CORO1C: variants seen among roughly 807,000 people sequenced by gnomAD.
CORO1C encodes the protein coronin 1C, also known as coronin-1C.
Under a neutral mutation model 51.2 loss-of-function variants are expected in CORO1C, and 14 were observed. That is an observed-to-expected ratio of 0.27 (90% CI 0.18 to 0.43). The LOEUF (loss-of-function observed/expected upper bound fraction) is 0.43, where lower values mean the gene tolerates loss of function less well. Among genes scored for constraint, CORO1C ranks in the 20% least tolerant of loss-of-function variants. The probability of loss-of-function intolerance (pLI) is 1.00; values close to 1 mark genes in which losing one functional copy is unlikely to be tolerated. For missense variants in CORO1C, 417 were observed against 607.8 expected, an observed-to-expected ratio of 0.69 and a Z score of 3.30; for synonymous variants, 181 against 210.5, an observed-to-expected ratio of 0.86 and a Z score of 1.21.
In CORO1C at chr12:108,647,324, C is replaced by A. The variant is rs1381021697; in HGVS notation, c.*79G>T. ...ATGGCAGTGCCTCCCTTTCCGCCCT[C>A]CCTAGGACCACACCAATAACCAGCT... On this transcript the variant is annotated 3_prime_UTR_variant, in exon 11 of 11. Coordinates refer to ENST00000261401, the MANE Select transcript of CORO1C (RefSeq NM_014325.4). 1.3e-6 allele frequency: 2 copies of A among 1,482,160 alleles called. No homozygotes were observed. The highest frequency in any genetic ancestry group is 2.8e-5 in the African/African-American group (2 of 71,160). The allele number at this position is 1,482,160 out of a possible 1,614,324, so 91.8% of individuals were successfully genotyped here. A position where few individuals can be genotyped will look rare whatever the true frequency, so the allele number is the denominator to read the frequency against.
At chr12:108,672,810 A>G (rs887724768) in intron 3 of CORO1C, among the ~76,000 whole-genome samples, 1 of 152,168 alleles carries the variant, frequency 6.6e-6, no homozygotes, top group Non-Finnish European at 1.5e-5. Context: ...TATCTGTTAC[A>G]GTGATCAGTA....
chr12:108,671,700 C>T (rs73406589), intron 3 of CORO1C, among the ~76,000 whole-genome samples: 4,621 of 152,068 alleles, frequency 0.03, 232 homozygotes, highest in African/African-American at 0.11. Context: ...ACACCTATGC[C>T]AAAAGAAAAT....
At chr12:108,685,864 C>G (rs561216736) in intron 2 of CORO1C, among the ~76,000 whole-genome samples, 1 of 152,162 alleles carries the variant, frequency 6.6e-6, no homozygotes. Flanking sequence ...TAAAGGTACA[C>G]TGATTATTTG....
At chr12:108,695,876 C>G (rs1184503353) in intron 2 of CORO1C, among the ~76,000 whole-genome samples, 1 of 86,506 alleles carries the variant, frequency 1.2e-5, no homozygotes, top group African/African-American at 5.1e-5. Context: ...AAAAAAAAAA[C>G]AGTCTTTCAA....
chr12:108,710,234 G>A (rs1337367449), intron 1 of CORO1C, among the ~76,000 whole-genome samples: 2 of 152,152 alleles, frequency 1.3e-5, no homozygotes, highest in Non-Finnish European at 2.9e-5. Context: ...CTGGGCGTTG[G>A]TTGAAACCTC....
intron 2 of CORO1C, among the ~76,000 whole-genome samples, chr12:108,691,369 G>A (rs967621071): frequency 5.9e-5 from 9 of 152,170 alleles, no homozygotes; most frequent in Non-Finnish European, 8.8e-5. Context: ...GGGCAAAACC[G>A]TGACTCCAGA....
chr12:108,673,559 G>T (rs957662351), intron 3 of CORO1C, among the ~76,000 whole-genome samples: 8 of 152,016 alleles, frequency 5.3e-5, no homozygotes, highest in Non-Finnish European at 8.8e-5. Flanking sequence ...CAGTGTAGAT[G>T]AAACAGCCTT....
At chr12:108,665,431 T>C (rs1232920824) in intron 3 of CORO1C, among the ~76,000 whole-genome samples, 1 of 152,174 alleles carries the variant, frequency 6.6e-6, no homozygotes, top group Non-Finnish European at 1.5e-5. Context: ...CAATAAATTG[T>C]ATTGTAACCC....
rs116768161 is a variant in CORO1C, at chr12:108,693,837, G to A, written c.195+7287C>T. Among the ~76,000 whole-genome samples, 811 of 151,586 alleles carry A rather than the reference G, an allele frequency of 5.4e-3. 9 individuals are homozygous for A. Among genetic ancestry groups the A allele is most frequent in the African/African-American group, 0.019 (777 of 41,326 alleles). The stretch of plus-strand genomic sequence containing the variant: ...CTTCTGTTTCATCTTTAGCTCCTAC[G>A]CAGAGGAAAAAAAAAAACCTGAATT... On this transcript the variant is annotated intron_variant, in intron 2 of 10. Coordinates refer to ENST00000261401, the MANE Select transcript of CORO1C (RefSeq NM_014325.4).
chr12:108,724,946 A>T (rs1233785263), intron 1 of CORO1C, among the ~76,000 whole-genome samples: 1 of 152,202 alleles, frequency 6.6e-6, no homozygotes, highest in East Asian at 1.9e-4. Context: ...CCCACACAGG[A>T]TGTTACACTT....
At chr12:108,676,671 C>T (rs184635371) in intron 3 of CORO1C, among the ~76,000 whole-genome samples, 74 of 151,356 alleles carry the variant, frequency 4.9e-4, no homozygotes, top group African/African-American at 1.5e-3. Context: ...ACTCGGGAGG[C>T]TGAGGCAGGA....
chr12:108,649,607 C>T (rs1465399064), intron 8 of CORO1C: 4 of 156,376 alleles, frequency 2.6e-5, no homozygotes, highest in African/African-American at 9.7e-5. Context: ...CACTGTAATA[C>T]TGGAAGAAGG....
chr12:108,697,489 ATAT>A (rs1198988707), intron 2 of CORO1C, among the ~76,000 whole-genome samples: 2 of 152,240 alleles, frequency 1.3e-5, no homozygotes, highest in South Asian at 4.1e-4. Context: ...ACATAACTTC[ATAT>A]TATAATTGGG....
chr12:108,645,974 C>G lies in CORO1C; in HGVS notation c.*1429G>C, dbSNP rs1025405060. 2.0e-5 allele frequency: 3 copies of G among 152,234 alleles called. No individual in the cohort carries two copies. Among genetic ancestry groups the G allele is most frequent in the South Asian group, 2.1e-4 (1 of 4,836 alleles). 9.4% of individuals were successfully genotyped at this position (152,234 alleles called of 1,614,324 possible). The stretch of plus-strand genomic sequence containing the variant: ...GTGACCAGAGCTCAGTCTCTGGCCC[C>G]CTCCGAGTCCGGGGAGCCTCTGTGC... On this transcript the variant is annotated 3_prime_UTR_variant, in exon 11 of 11. Transcript: ENST00000261401.
intron 1 of CORO1C, among the ~76,000 whole-genome samples, chr12:108,715,926 A>G (rs9795953): frequency 0.61 from 92,287 of 151,160 alleles, 28,994 homozygotes; most frequent in East Asian, 0.99. Flanking sequence ...AAGGTCAGGA[A>G]ATGAGACCAT....
At chr12:108,653,950 C>T (rs2032809375) in intron 7 of CORO1C, among the ~76,000 whole-genome samples, 1 of 152,198 alleles carries the variant, frequency 6.6e-6, no homozygotes, top group Admixed American at 6.5e-5. Flanking sequence ...GACATAAGTA[C>T]AGATAAATCT....
At chr12:108,651,104 AC>A (rs2032628297) in intron 8 of CORO1C, among the ~76,000 whole-genome samples, 1 of 152,238 alleles carries the variant, frequency 6.6e-6, no homozygotes, top group Non-Finnish European at 1.5e-5. Flanking sequence ...GGCACCCACG[AC>A]CACACATAGC....
chr12:108,687,555 C>T (rs541999195), intron 2 of CORO1C, among the ~76,000 whole-genome samples: 10 of 151,996 alleles, frequency 6.6e-5, no homozygotes, highest in Admixed American at 5.9e-4. Flanking sequence ...GAGGCTGAGG[C>T]GGGCGGATCA....
At chr12:108,651,553 GT>G (rs1182124183) in intron 8 of CORO1C, among the ~76,000 whole-genome samples, 10 of 152,092 alleles carry the variant, frequency 6.6e-5, no homozygotes, top group African/African-American at 2.4e-4. Flanking sequence ...CCCAAATACA[GT>G]TTTGACTCTG....
Sources: allele counts gnomAD v4.1 joint callset (sites outside exome capture counted in the v4.1 genomes callset), GRCh38; gene constraint gnomAD v4.1.1; transcripts MANE v1.5; gene names NCBI Gene and HGNC (gene_info 2026-07-23, HGNC 2026-07-21).